Variants in PRKD1 observed in about 807,000 individuals in gnomAD.
The protein encoded by PRKD1 is serine/threonine-protein kinase D1.
A neutral mutation model predicts 95.9 loss-of-function variants in PRKD1; 63 were observed. That is an observed-to-expected ratio of 0.66 (90% confidence interval 0.54 to 0.81). The LOEUF (loss-of-function observed/expected upper bound fraction) is 0.81, where lower values mean the gene tolerates loss of function less well. Ranked by LOEUF, PRKD1 falls within the 30% of genes least tolerant of loss-of-function variation. The pLI, the probability that PRKD1 is intolerant of heterozygous loss-of-function variation, is 0.00. For missense variants in PRKD1, 1,048 were observed against 1,165.3 expected (o/e 0.90, Z 1.47); for synonymous variants, 425 against 423.1 (o/e 1.00, Z -0.05).
intron 2 of PRKD1, among the ~76,000 whole-genome samples, chr14:29,706,955 C>A (rs1228099981): frequency 1.3e-5 from 2 of 151,838 alleles, no homozygotes; most frequent in Admixed American, 1.3e-4. Context: ...AAAATGCATA[C>A]AAATAGTACA....
intron 13 of PRKD1, among the ~76,000 whole-genome samples, chr14:29,604,029 T>C (rs1252591182): frequency 6.6e-6 from 1 of 152,150 alleles, no homozygotes; most frequent in Non-Finnish European, 1.5e-5. Context: ...CTGACCCAAG[T>C]TGCCTAGAAA....
At chr14:29,751,687 T>C (rs182047573) in intron 1 of PRKD1, among the ~76,000 whole-genome samples, 3 of 152,362 alleles carry the variant, frequency 2.0e-5, no homozygotes, top group East Asian at 1.9e-4. Context: ...AATATATACA[T>C]GGCAGAGAAT....
In PRKD1 at chr14:29,650,535, T is replaced by C. The variant is rs1881426125; in HGVS notation, c.697-11631A>G. The C allele has an allele frequency of 2.0e-5, 3 of 152,408 alleles. No homozygotes were observed. The South Asian group carries it at 6.2e-4, about 32-fold the overall frequency. The allele number at this position is 152,408 out of a possible 1,614,324, so 9.4% of individuals were successfully genotyped here. A position where few individuals can be genotyped will look rare whatever the true frequency, so the allele number is the denominator to read the frequency against. On this transcript the variant is annotated intron_variant, in intron 4 of 17. Transcript: ENST00000331968. ...GTCCCGGGTTTCAGCACCAGAAATGTTGCAGTGAATTAAGGGACCAGAGAG... is the reference window on the plus strand; with the variant it reads ...GTCCCGGGTTTCAGCACCAGAAATGCTGCAGTGAATTAAGGGACCAGAGAG...
intron 17 of PRKD1, 76 bp from the exon 18 acceptor site, chr14:29,577,532 T>C: frequency 1.4e-6 from 2 of 1,385,024 alleles, no homozygotes; most frequent in Non-Finnish European, 2.0e-6. Flanking sequence ...TGTCAGTTTC[T>C]GCAATCTATG....
At chr14:29,745,909 TTA>T (rs1887193954) in intron 1 of PRKD1, among the ~76,000 whole-genome samples, 2 of 152,194 alleles carry the variant, frequency 1.3e-5, no homozygotes, top group Admixed American at 1.3e-4. Context: ...TTTGAACAGA[TTA>T]TCTCTCTTCC....
At chr14:29,635,053 A>C (rs1261012018) in intron 7 of PRKD1, among the ~76,000 whole-genome samples, 1 of 151,932 alleles carries the variant, frequency 6.6e-6, no homozygotes, top group Non-Finnish European at 1.5e-5. Flanking sequence ...AAAATTCCCA[A>C]GGCTGGGTAA....
At chr14:29,759,260 A>G (rs1248219471) in intron 1 of PRKD1, among the ~76,000 whole-genome samples, 1 of 152,118 alleles carries the variant, frequency 6.6e-6, no homozygotes, top group Non-Finnish European at 1.5e-5. Context: ...AAAAAAGAAG[A>G]GAAAAAATGA....
At chr14:29,638,404 A>G (rs1434336086) in intron 6 of PRKD1, 85 bp downstream of exon 6, 2 of 1,502,616 alleles carry the variant, frequency 1.3e-6, no homozygotes, top group Non-Finnish European at 1.8e-6. Flanking sequence ...AACCAAAACC[A>G]AAACCAAAAA....
At chr14:29,813,908 A>G (rs563499688) in intron 1 of PRKD1, among the ~76,000 whole-genome samples, 1 of 152,340 alleles carries the variant, frequency 6.6e-6, no homozygotes, top group Non-Finnish European at 1.5e-5. Flanking sequence ...TAGGGATCAA[A>G]TTAGTTTTGC....
intron 1 of PRKD1, among the ~76,000 whole-genome samples, chr14:29,767,552 C>CTGTT (rs1888309759): frequency 6.6e-6 from 1 of 152,160 alleles, no homozygotes; most frequent in African/African-American, 2.4e-5. Flanking sequence ...ATTCCTTCAA[C>CTGTT]TGTTGTTCAA....
intron 2 of PRKD1, among the ~76,000 whole-genome samples, chr14:29,705,119 T>C (rs1458401204): frequency 6.6e-6 from 1 of 152,168 alleles, no homozygotes; most frequent in Non-Finnish European, 1.5e-5. Flanking sequence ...CACGTCGATA[T>C]GTTATCCTCT....
chr14:29,667,399 T>C (rs1001732758), intron 2 of PRKD1, among the ~76,000 whole-genome samples: 2 of 152,220 alleles, frequency 1.3e-5, no homozygotes, highest in Admixed American at 6.5e-5. Flanking sequence ...GCCTTCAATA[T>C]ATTCCTTGTC....
chr14:29,812,971 A>G (rs2139247980), intron 1 of PRKD1, among the ~76,000 whole-genome samples: 1 of 152,198 alleles, frequency 6.6e-6, no homozygotes, highest in South Asian at 2.1e-4. Context: ...TTAGCCAGGC[A>G]TGGTGTCACA....
chr14:29,850,540 A>C (rs999772806), intron 1 of PRKD1, among the ~76,000 whole-genome samples: 2 of 151,976 alleles, frequency 1.3e-5, no homozygotes, highest in African/African-American at 4.8e-5. Context: ...AAAGATCTCT[A>C]GGAGGATAAC....
intron 1 of PRKD1, among the ~76,000 whole-genome samples, chr14:29,750,259 T>C (rs1290848663): frequency 6.6e-6 from 1 of 152,228 alleles, no homozygotes; most frequent in Non-Finnish European, 1.5e-5. Context: ...CCTCATTCAA[T>C]GTCATTGGTA....
rs1888730423 is a variant in PRKD1 at position 29,775,968 on chromosome 14, A to G, written c.265-50294T>C. On this transcript the variant is annotated intron_variant, in intron 1 of 17. Transcript: ENST00000331968. ...GAAGCTTCCAGAGGAACAATCAGGC[A>G]GCAACATTGGCTGTTCTGCAATACT... is the stretch of plus-strand genomic sequence containing the variant. Among the ~76,000 whole-genome samples the G allele has an allele frequency of 3.9e-5, 6 of 152,160 alleles. No individual in the cohort carries two copies. In the South Asian group the frequency reaches 1.2e-3, roughly 32 times the overall value.
intron 1 of PRKD1, among the ~76,000 whole-genome samples, chr14:29,909,159 G>A (rs988047940): frequency 3.9e-5 from 6 of 152,154 alleles, no homozygotes; most frequent in Admixed American, 2.6e-4. Flanking sequence ...TGTGGAGGGT[G>A]CGCCAGGTCC....
chr14:29,750,620 A>G (rs61978037), intron 1 of PRKD1, among the ~76,000 whole-genome samples: 8 of 128,100 alleles, frequency 6.2e-5, no homozygotes, highest in South Asian at 2.7e-4. Context: ...ACGCGCGCAC[A>G]CACACACACA....
chr14:29,819,608 T>A (rs1390586511), intron 1 of PRKD1, among the ~76,000 whole-genome samples: 1 of 152,092 alleles, frequency 6.6e-6, no homozygotes, highest in African/African-American at 2.4e-5. Context: ...GAGAATGGCA[T>A]GAACCCGGCA....
Sources: gnomAD v4.1 joint callset for allele counts (sites outside exome capture counted in the v4.1 genomes callset) on GRCh38, gnomAD v4.1.1 for gene constraint, MANE v1.5 for transcripts, NCBI Gene and HGNC (gene_info 2026-07-23, HGNC 2026-07-21) for gene names.